ANAPC1: variants seen among roughly 807,000 people sequenced by gnomAD.
ANAPC1 encodes the protein anaphase-promoting complex subunit 1.
A neutral mutation model predicts 208.0 loss-of-function variants in ANAPC1; 36 were observed. The ratio of observed to expected loss-of-function variants is 0.17; its 90% CI spans 0.13 to 0.23. ANAPC1 has a LOEUF of 0.23. Among genes scored for constraint, ANAPC1 ranks in the 10% least tolerant of loss-of-function variants. The pLI is 1.00. For missense variants in ANAPC1, 942 were observed against 2,011.6 expected (o/e 0.47, Z 10.17); for synonymous variants, 378 against 695.2 (o/e 0.54, Z 7.18).
intron 18 of ANAPC1, 45 bp downstream of exon 18, chr2:111,838,393 A>C (rs1680586963): frequency 6.8e-7 from 1 of 1,467,400 alleles, no homozygotes; most frequent in African/African-American, 1.4e-5. Flanking sequence ...AATAGTATGA[A>C]TATCCATAAA....
At chr2:111,778,114 G>A (rs1157886560) in intron 45 of ANAPC1, among the ~76,000 whole-genome samples, 12 of 152,162 alleles carry the variant, frequency 7.9e-5, no homozygotes, top group Non-Finnish European at 1.8e-4. Context: ...TTTGCCTAAA[G>A]TGAATAAATT....
At chr2:111,840,956 T>C (rs1206794126) in intron 17 of ANAPC1, among the ~76,000 whole-genome samples, 2 of 152,062 alleles carry the variant, frequency 1.3e-5, no homozygotes, top group Non-Finnish European at 2.9e-5. Context: ...GGCACAAGAA[T>C]CGCTTCAACT....
intron 14 of ANAPC1, among the ~76,000 whole-genome samples, chr2:111,849,977 T>G (rs1256514235): frequency 6.6e-6 from 1 of 152,068 alleles, no homozygotes. Flanking sequence ...CTACCACTTA[T>G]TAGGTTTATT....
At chr2:111,778,481 C>G (rs1573303305) in intron 45 of ANAPC1, among the ~76,000 whole-genome samples, 194 bp downstream of exon 45, 1 of 146,778 alleles carries the variant, frequency 6.8e-6, no homozygotes, top group Middle Eastern at 3.4e-3. Context: ...AAGGGGCACT[C>G]CTGTCAACAT....
chr2:111,837,767 A>AAT (rs981821079), intron 18 of ANAPC1, among the ~76,000 whole-genome samples: 1 of 152,080 alleles, frequency 6.6e-6, no homozygotes, highest in African/African-American at 2.4e-5. Flanking sequence ...AATTTAAAAA[A>AAT]ACATATTTGG....
chr2:111,861,534 G>A (rs570369349), intron 10 of ANAPC1, among the ~76,000 whole-genome samples: 2 of 149,240 alleles, frequency 1.3e-5, no homozygotes, highest in South Asian at 2.2e-4. Context: ...ATACCTATTC[G>A]TCTTTCAAAG....
intron 43 of ANAPC1, among the ~76,000 whole-genome samples, 184 bp downstream of exon 43, chr2:111,782,185 T>C (rs999126800): frequency 6.7e-6 from 1 of 148,166 alleles, no homozygotes; most frequent in Non-Finnish European, 1.5e-5. Flanking sequence ...TATATACAGA[T>C]TTTATATTCA....
chr2:111,880,442 A>G (rs1389876898), intron 2 of ANAPC1, 171 bp downstream of exon 2: 18 of 1,158,002 alleles, frequency 1.6e-5, no homozygotes, highest in Non-Finnish European at 2.0e-5. Flanking sequence ...ATAAGTCGCT[A>G]TGACAATGTA....
chr2:111,881,485 T>C (rs544365767), intron 1 of ANAPC1, among the ~76,000 whole-genome samples: 1 of 152,278 alleles, frequency 6.6e-6, no homozygotes, highest in East Asian at 1.9e-4. Context: ...ACTCTAGCCA[T>C]GGAACAGTTA....
At position 111,823,720 on chromosome 2, in the gene ANAPC1, A is replaced by G. The variant is rs1045955263; in HGVS notation, c.2813-1120T>C. 1.6e-4 allele frequency among the ~76,000 whole-genome samples: 25 copies of G among 152,318 alleles called. 1 individual carries two copies. The highest frequency in any genetic ancestry group is 1.5e-3 in the Admixed American group (23 of 15,304). ...TACATCTATATATTTTCAAAACTAC[A>G]TAAGACCTAGCAATTTATAAAGATG... is the stretch of plus-strand genomic sequence containing the variant. On this transcript the variant is annotated intron_variant, in intron 24 of 47. Coordinates refer to ENST00000341068, the MANE Select transcript of ANAPC1 (RefSeq NM_022662.4).
chr2:111,828,215 C>G (rs940351765), intron 21 of ANAPC1, among the ~76,000 whole-genome samples: 2 of 151,970 alleles, frequency 1.3e-5, no homozygotes, highest in African/African-American at 2.4e-5. Flanking sequence ...CAAATCAAAA[C>G]AATGAGATAT....
chr2:111,825,233 A>G, intron 22 of ANAPC1, 66 bp from the exon 23 acceptor site: 1 of 1,573,150 alleles, frequency 6.4e-7, no homozygotes, highest in Non-Finnish European at 8.6e-7. Flanking sequence ...TGTAACATGT[A>G]GAAAACATTT....
intron 10 of ANAPC1, 74 bp from the exon 11 acceptor site, chr2:111,858,475 T>C (rs1429458789): frequency 3.0e-6 from 4 of 1,346,686 alleles, no homozygotes; most frequent in East Asian, 2.6e-5. Context: ...TTAAAAGTCT[T>C]TGAGGCCGGG....
chr2:111,791,312 T>C (rs1235955529), intron 38 of ANAPC1, among the ~76,000 whole-genome samples: 2 of 150,118 alleles, frequency 1.3e-5, no homozygotes, highest in South Asian at 2.2e-4. Context: ...ATGGAACAAC[T>C]GGAACTTCAC....
intron 17 of ANAPC1, among the ~76,000 whole-genome samples, chr2:111,840,546 G>A (rs1680706565): frequency 6.6e-6 from 1 of 152,116 alleles, no homozygotes; most frequent in South Asian, 2.1e-4. Context: ...GAAACGCGAA[G>A]GGGCATAGGT....
At chr2:111,824,255 A>C (rs1679707418) in intron 24 of ANAPC1, among the ~76,000 whole-genome samples, 1 of 146,900 alleles carries the variant, frequency 6.8e-6, no homozygotes, top group African/African-American at 2.5e-5. Context: ...AAAAAAAAAA[A>C]AAACCTGTCA....
At chr2:111,846,503 T>G (rs1245046753) in intron 16 of ANAPC1, among the ~76,000 whole-genome samples, 1 of 145,502 alleles carries the variant, frequency 6.9e-6, no homozygotes, top group Admixed American at 6.9e-5. Flanking sequence ...CAGATGTTCT[T>G]GCAAGAGGCA....
intron 16 of ANAPC1, among the ~76,000 whole-genome samples, chr2:111,845,832 G>A (rs1316785183): frequency 6.6e-5 from 10 of 152,042 alleles, no homozygotes; most frequent in East Asian, 3.9e-4. Context: ...AAAATTAGCC[G>A]GGCGTGGTGG....
intron 25 of ANAPC1, 68 bp from the exon 26 acceptor site, chr2:111,821,521 A>T: frequency 6.9e-7 from 1 of 1,459,608 alleles, no homozygotes. Context: ...GAACATGAGG[A>T]TATATAGGCT....
Sources: allele counts gnomAD v4.1 joint callset (sites outside exome capture counted in the v4.1 genomes callset), GRCh38; gene constraint gnomAD v4.1.1; transcripts MANE v1.5; gene names NCBI Gene and HGNC (gene_info 2026-07-23, HGNC 2026-07-21).